Variants in RIN2 observed in about 807,000 individuals in gnomAD.
RIN2 encodes the protein Ras and Rab interactor 2, also known as RAB5 interacting protein 2.
Under a neutral mutation model 78.0 loss-of-function variants are expected in RIN2, and 36 were observed. The ratio of observed to expected loss-of-function variants is 0.46; its 90% CI spans 0.35 to 0.61. The LOEUF is 0.61. Among genes scored for constraint, RIN2 ranks in the 20% least tolerant of loss-of-function variants. The probability of loss-of-function intolerance (pLI) is 0.00; values close to 1 mark genes in which losing one functional copy is unlikely to be tolerated. For missense variants in RIN2, 1,087 were observed against 1,159.7 expected (o/e 0.94, Z 0.91); for synonymous variants, 466 against 466.8 (o/e 1.00, Z 0.02).
chr20:19,801,300 A>G lies in RIN2; in HGVS notation c.-37+1553A>G, dbSNP rs11907682. Among the ~76,000 whole-genome samples, 1,056 of 150,374 alleles carry G rather than the reference A, an allele frequency of 7.0e-3. 10 individuals carry two copies. The highest frequency in any genetic ancestry group is 0.025 in the African/African-American group (1,009 of 40,036). On this transcript the variant is annotated intron_variant, in intron 2 of 12. Coordinates refer to ENST00000255006, the MANE Select transcript of RIN2 (RefSeq NM_018993.4). ...ATTCTTTATTTTATTTTATTTTATT[A>G]TTATTATTTTTTGAAATGGAGTTCT... is the stretch of plus-strand genomic sequence containing the variant.
chr20:19,838,909 C>T (rs2036499309), intron 2 of RIN2, among the ~76,000 whole-genome samples: 1 of 152,138 alleles, frequency 6.6e-6, no homozygotes, highest in East Asian at 1.9e-4. Context: ...GCCCCCAAAC[C>T]TCCACCCAGT....
Position 20,001,640 on chromosome 20 carries a change from C to T in RIN2, c.*704C>T, listed in dbSNP as rs1049223859. On this transcript the variant is annotated 3_prime_UTR_variant, in exon 13 of 13. Transcript: ENST00000255006. ...GAGACTGCTGGATTTCTTAAAGCAA[C>T]GTATTCCTGACACTGGCCACAGAAT... 2 of 152,530 alleles carry T rather than the reference C, an allele frequency of 1.3e-5. No homozygotes were observed. Among genetic ancestry groups the T allele is most frequent in the African/African-American group, 2.4e-5 (1 of 41,408 alleles). 9.4% of individuals were successfully genotyped at this position (152,530 alleles called of 1,614,324 possible).
intron 11 of RIN2, among the ~76,000 whole-genome samples, chr20:19,996,111 C>G (rs2042953585): frequency 6.6e-6 from 1 of 152,128 alleles, no homozygotes. Flanking sequence ...GGCCAAGGTT[C>G]AAGACCAGCC....
chr20:19,976,603 T>G (rs905530706), intron 9 of RIN2, among the ~76,000 whole-genome samples: 8 of 152,358 alleles, frequency 5.3e-5, no homozygotes, highest in African/African-American at 1.9e-4. Context: ...CAGTCTTTTC[T>G]TCCAGGGTGA....
chr20:19,811,671 A>G (rs905443449), intron 2 of RIN2, among the ~76,000 whole-genome samples: 1 of 152,044 alleles, frequency 6.6e-6, no homozygotes, highest in Admixed American at 6.6e-5. Context: ...GAGAAATGAG[A>G]TCTTTTCGTT....
At chr20:19,910,730 G>A (rs2039428292) in intron 3 of RIN2, among the ~76,000 whole-genome samples, 1 of 150,648 alleles carries the variant, frequency 6.6e-6, no homozygotes, top group Non-Finnish European at 1.5e-5. Flanking sequence ...TACCACGCCC[G>A]GCTAATTTTG....
At chr20:19,792,730 A>G (rs2034926617) in intron 1 of RIN2, among the ~76,000 whole-genome samples, 1 of 152,250 alleles carries the variant, frequency 6.6e-6, no homozygotes. Flanking sequence ...CACCTCTTCC[A>G]GCTACAAAAT....
chr20:19,987,517 T>C (rs1401825398), intron 9 of RIN2, among the ~76,000 whole-genome samples: 2 of 152,268 alleles, frequency 1.3e-5, no homozygotes, highest in Non-Finnish European at 2.9e-5. Context: ...TAGTCATCTC[T>C]GAGCCTCAGT....
intron 9 of RIN2, among the ~76,000 whole-genome samples, chr20:19,988,792 C>T (rs1289411465): frequency 6.6e-6 from 1 of 152,168 alleles, no homozygotes; most frequent in African/African-American, 2.4e-5. Context: ...GAAATCATTT[C>T]AGATTTCCAG....
intron 3 of RIN2, among the ~76,000 whole-genome samples, chr20:19,928,396 C>G (rs1342303198): frequency 6.6e-6 from 1 of 152,194 alleles, no homozygotes; most frequent in Non-Finnish European, 1.5e-5. Flanking sequence ...CCTACCCCTA[C>G]TCCCAGCTGT....
chr20:19,987,589 G>A (rs6046520), intron 9 of RIN2, among the ~76,000 whole-genome samples: 48,657 of 152,060 alleles, frequency 0.32, 8,652 homozygotes, highest in East Asian at 0.72. Flanking sequence ...ATTATTGCAA[G>A]GATTAGATGA....
At chr20:19,896,262 C>G (rs920220133) in intron 3 of RIN2, among the ~76,000 whole-genome samples, 1 of 152,004 alleles carries the variant, frequency 6.6e-6, no homozygotes, top group Non-Finnish European at 1.5e-5. Context: ...GATCTTGGCT[C>G]GCGGCAGCCT....
chr20:19,765,116 C>CT (rs2033830925), intron 1 of RIN2, among the ~76,000 whole-genome samples: 1 of 151,910 alleles, frequency 6.6e-6, no homozygotes, highest in Non-Finnish European at 1.5e-5. Context: ...TCCCAAAGTG[C>CT]TGGGATTACA....
At chr20:19,854,199 G>T (rs906282697) in intron 2 of RIN2, among the ~76,000 whole-genome samples, 2 of 152,136 alleles carry the variant, frequency 1.3e-5, no homozygotes, top group Non-Finnish European at 2.9e-5. Flanking sequence ...TAGATGTGTG[G>T]TATTACTTCT....
chr20:19,822,391 C>A (rs2035951345), intron 2 of RIN2, among the ~76,000 whole-genome samples: 2 of 152,022 alleles, frequency 1.3e-5, no homozygotes, highest in African/African-American at 4.8e-5. Flanking sequence ...GAGGGTGGAT[C>A]GACAGAATAG....
intron 1 of RIN2, among the ~76,000 whole-genome samples, chr20:19,796,604 G>C (rs1399237728): frequency 1.3e-5 from 2 of 152,200 alleles, no homozygotes; most frequent in Non-Finnish European, 2.9e-5. Flanking sequence ...GGTCAAACGT[G>C]TTTGAAAGCT....
intron 6 of RIN2, among the ~76,000 whole-genome samples, chr20:19,964,020 C>T (rs1381388429): frequency 1.3e-5 from 2 of 152,032 alleles, no homozygotes; most frequent in Admixed American, 1.3e-4. Context: ...CATGTCACCA[C>T]ATCCAGCTAA....
chr20:19,771,027 T>C (rs1213858283), intron 1 of RIN2, among the ~76,000 whole-genome samples: 1 of 152,182 alleles, frequency 6.6e-6, no homozygotes, highest in African/African-American at 2.4e-5. Flanking sequence ...CAAATATTTA[T>C]TGGATTATTG....
intron 2 of RIN2, among the ~76,000 whole-genome samples, chr20:19,824,379 C>A (rs6112597): frequency 6.6e-6 from 1 of 152,102 alleles, no homozygotes. Context: ...TTTCATCATC[C>A]TTATTATTAT....
Sources: allele counts gnomAD v4.1 joint callset (sites outside exome capture counted in the v4.1 genomes callset), GRCh38; gene constraint gnomAD v4.1.1; transcripts MANE v1.5; gene names NCBI Gene and HGNC (gene_info 2026-07-23, HGNC 2026-07-21).